The following PUDP variants were observed in gnomAD, a reference collection of about 807,000 sequenced individuals.
PUDP encodes the protein pseudouridine 5'-phosphatase, also known as pseudouridine-5'-phosphatase.
Under a neutral mutation model 9.4 loss-of-function variants are expected in PUDP, and 8 were observed. That is an observed-to-expected ratio of 0.85 (90% confidence interval 0.50 to 1.53). The LOEUF (loss-of-function observed/expected upper bound fraction) is 1.53, where lower values mean the gene tolerates loss of function less well. Ranked by LOEUF, PUDP falls within the 40% of genes most tolerant of loss-of-function variation. PUDP has a pLI of 0.00. For missense variants in PUDP, 188 were observed against 189.7 expected (o/e 0.99, Z 0.05); for synonymous variants, 99 against 80.7 (o/e 1.23, Z -1.22).
chrX:6,897,574 G>GC (rs376381102), intron 3 of PUDP, among the ~76,000 whole-genome samples: 1 of 111,022 alleles, frequency 9.0e-6, no homozygotes, highest in East Asian at 2.8e-4. Context: ...TCGTTTAACT[G>GC]CCCCCTGCCT....
At chrX:6,877,380 A>G (rs1046218146) in intron 3 of PUDP, among the ~76,000 whole-genome samples, 1 of 112,235 alleles carries the variant, frequency 8.9e-6, no homozygotes, top group Admixed American at 9.5e-5. Context: ...TAGAAAGGCT[A>G]CAACACCAAA....
chrX:6,722,418 C>T (rs1251492308), upstream of PUDP, among the ~76,000 whole-genome samples: 2 of 106,910 alleles, frequency 1.9e-5, no homozygotes, highest in African/African-American at 7.0e-5. Flanking sequence ...GAACTCCAGC[C>T]TGGGCCACAG....
At chrX:6,756,602 A>G (rs913313023) in intron 3 of PUDP, among the ~76,000 whole-genome samples, 1 of 112,491 alleles carries the variant, frequency 8.9e-6, no homozygotes, top group Non-Finnish European at 1.9e-5. Flanking sequence ...CATTTTTAAA[A>G]GGTGGGGAAA....
intron 2 of PUDP, among the ~76,000 whole-genome samples, chrX:7,098,478 G>A (rs1318608451): frequency 1.8e-5 from 2 of 111,371 alleles, no homozygotes; most frequent in African/African-American, 6.5e-5. Flanking sequence ...CCTCCTGAAG[G>A]CCCCATATCC....
intron 3 of PUDP, among the ~76,000 whole-genome samples, chrX:6,905,688 G>A (rs931036621): frequency 1.6e-4 from 18 of 111,237 alleles, no homozygotes; most frequent in African/African-American, 5.9e-4. Flanking sequence ...TTTGGGTGGG[G>A]ACACAGCCAA....
At position 6,832,293 on chromosome X, in the gene PUDP, ACTC is replaced by A. The variant is rs748482075; in HGVS notation, c.*248-125830_*248-125828del. ...GAGGTCACCCAGAAGCAGCTCAACA[ACTC>A]CTCCTTTTGAAAGATGGGTGTAATT... On this transcript the variant is annotated intron_variant and NMD_transcript_variant, in intron 3 of 3. Transcript: ENST00000655425. 1.8e-4 allele frequency among the ~76,000 whole-genome samples: 20 copies of A among 111,482 alleles called. No individual in the cohort carries two copies. In the East Asian group the frequency reaches 4.5e-3, roughly 25 times the overall value.
chrX:6,733,124 T>C (rs984051140), intron 3 of PUDP, among the ~76,000 whole-genome samples: 2 of 112,201 alleles, frequency 1.8e-5, no homozygotes, highest in Non-Finnish European at 3.8e-5. Flanking sequence ...CCACTTACGC[T>C]TGAAGCCTTG....
rs774895511 is a variant in PUDP, at chrX:6,845,057, A to G, written c.*247+132076T>C. On this transcript the variant is annotated intron_variant and NMD_transcript_variant, in intron 3 of 3. Coordinates refer to the PUDP transcript ENST00000655425. ...AGGGTGGATCCTCTTTACTTAGTCT[A>G]CTGATTCAAATGCTCATCTCTTCCA... 3.6e-5 allele frequency among the ~76,000 whole-genome samples: 4 copies of G among 112,390 alleles called. No homozygotes were observed. The South Asian group carries it at 1.5e-3, about 42-fold the overall frequency.
chrX:6,830,091 C>T (rs1926481856), intron 3 of PUDP, among the ~76,000 whole-genome samples: 1 of 110,261 alleles, frequency 9.1e-6, no homozygotes, highest in African/African-American at 3.3e-5. Context: ...AAAACCTCCA[C>T]TCCAACAAGC....
At chrX:7,054,509 G>A (rs968170466) in intron 3 of PUDP, among the ~76,000 whole-genome samples, 10 of 112,411 alleles carry the variant, frequency 8.9e-5, no homozygotes, top group African/African-American at 3.2e-4. Flanking sequence ...AACCCTCAGT[G>A]TTCAAATGAT....
At chrX:6,794,449 G>A (rs887088840) in intron 3 of PUDP, among the ~76,000 whole-genome samples, 2 of 112,237 alleles carry the variant, frequency 1.8e-5, no homozygotes, top group African/African-American at 3.2e-5. Context: ...TATTCTGGGT[G>A]AGTCAGTGAG....
intron 3 of PUDP, among the ~76,000 whole-genome samples, chrX:6,746,255 A>G (rs1924998056): frequency 8.9e-6 from 1 of 111,895 alleles, no homozygotes; most frequent in Non-Finnish European, 1.9e-5. Flanking sequence ...AATGCTTGTG[A>G]ACCTGAAGAA....
At chrX:6,846,880 GCT>G (rs1470349591) in intron 3 of PUDP, among the ~76,000 whole-genome samples, 1 of 110,992 alleles carries the variant, frequency 9.0e-6, no homozygotes, top group African/African-American at 3.3e-5. Flanking sequence ...TTCCTTCTGT[GCT>G]CTGTCATAAT....
At chrX:6,937,127 A>G (rs1397359531) in intron 3 of PUDP, among the ~76,000 whole-genome samples, 4 of 98,764 alleles carry the variant, frequency 4.1e-5, no homozygotes, top group Non-Finnish European at 8.2e-5. Flanking sequence ...ATTGGAAAAA[A>G]CTACTTTAAA....
intron 3 of PUDP, among the ~76,000 whole-genome samples, chrX:6,852,552 A>G (rs912901962): frequency 8.9e-6 from 1 of 112,380 alleles, no homozygotes; most frequent in African/African-American, 3.2e-5. Context: ...AAAACAGCCA[A>G]CTTCACTAAA....
chrX:6,883,911 G>A (rs966228571), intron 3 of PUDP, among the ~76,000 whole-genome samples: 12 of 111,422 alleles, frequency 1.1e-4, no homozygotes, highest in Non-Finnish European at 1.7e-4. Context: ...CACGATCTCG[G>A]CTCGCTGCAA....
At chrX:6,732,629 A>C (rs1376403174) in intron 3 of PUDP, among the ~76,000 whole-genome samples, 1 of 103,463 alleles carries the variant, frequency 9.7e-6, no homozygotes, top group Non-Finnish European at 2.0e-5. Context: ...GGAGGGAGGA[A>C]GAGAGGAAGG....
intron 3 of PUDP, among the ~76,000 whole-genome samples, chrX:7,072,499 G>A (rs1286094172): frequency 1.8e-5 from 2 of 111,643 alleles, no homozygotes; most frequent in Non-Finnish European, 3.8e-5. Flanking sequence ...AACACGCAAA[G>A]TAGTGATGGC....
At chrX:6,775,579 C>T (rs1333439879) in intron 3 of PUDP, among the ~76,000 whole-genome samples, 3 of 110,304 alleles carry the variant, frequency 2.7e-5, no homozygotes, top group African/African-American at 9.9e-5. Flanking sequence ...CATATGGTAC[C>T]ATAGACTGAA....
Sources: gnomAD v4.1 joint callset for allele counts (sites outside exome capture counted in the v4.1 genomes callset) on GRCh38, gnomAD v4.1.1 for gene constraint, MANE v1.5 for transcripts, NCBI Gene and HGNC (gene_info 2026-07-23, HGNC 2026-07-21) for gene names.